ARHGAP24: variants seen among roughly 807,000 people sequenced by gnomAD.
ARHGAP24 encodes rho GTPase-activating protein 24.
Under a neutral mutation model 76.4 loss-of-function variants are expected in ARHGAP24, and 50 were observed. The observed-to-expected ratio is 0.65, with a 90% CI of 0.52 to 0.83. The LOEUF (loss-of-function observed/expected upper bound fraction) is 0.83, where lower values mean the gene tolerates loss of function less well. ARHGAP24 is among the 40% of genes least tolerant of loss of function. The probability of loss-of-function intolerance (pLI) is 0.00; values close to 1 mark genes in which losing one functional copy is unlikely to be tolerated. For missense variants in ARHGAP24, 930 were observed against 914.2 expected (o/e 1.02, Z -0.22); for synonymous variants, 345 against 323.3 (o/e 1.07, Z -0.72).
rs182832845 is a variant in ARHGAP24, at chr4:85,857,488, G to C, written c.269-66160G>C. On this transcript the variant is annotated intron_variant, in intron 3 of 9. Transcript: ENST00000395184. ...GGTTATCAATTCAAATTATCATCAA[G>C]ATCAATTATTATGTATTTTTTTGGT... Among the ~76,000 whole-genome samples the C allele has an allele frequency of 3.5e-4, 53 of 152,172 alleles. 1 individual carries two copies. In the East Asian group the frequency reaches 9.9e-3, roughly 28 times the overall value.
chr4:85,955,439 A>G (rs1429081318), intron 5 of ARHGAP24, among the ~76,000 whole-genome samples: 2 of 152,220 alleles, frequency 1.3e-5, no homozygotes, highest in Non-Finnish European at 2.9e-5. Context: ...GAAGCTGAAA[A>G]TCCAAATCAA....
chr4:85,689,396 A>AT (rs201819320), intron 2 of ARHGAP24, among the ~76,000 whole-genome samples: 1,605 of 151,634 alleles, frequency 0.011, 12 homozygotes, highest in South Asian at 0.044. Context: ...TAAATTTTTA[A>AT]TTTTTTTTGA....
chr4:85,476,891 T>A (rs1722620991), intron 1 of ARHGAP24, among the ~76,000 whole-genome samples: 1 of 152,230 alleles, frequency 6.6e-6, no homozygotes, highest in Non-Finnish European at 1.5e-5. Flanking sequence ...TTTCAACTTG[T>A]AAGAGAGCTC....
At chr4:85,611,425 A>T (rs948815137) in intron 2 of ARHGAP24, among the ~76,000 whole-genome samples, 1 of 152,190 alleles carries the variant, frequency 6.6e-6, no homozygotes, top group East Asian at 1.9e-4. Context: ...ATGTATCTCC[A>T]CTAGATCCCA....
chr4:85,800,376 A>C (rs1460752576), intron 3 of ARHGAP24, among the ~76,000 whole-genome samples: 1 of 152,130 alleles, frequency 6.6e-6, no homozygotes, highest in Non-Finnish European at 1.5e-5. Context: ...TGTACCAGAG[A>C]GTAGAATTGC....
chr4:85,751,676 A>G (rs772381913), intron 3 of ARHGAP24, among the ~76,000 whole-genome samples: 27 of 152,350 alleles, frequency 1.8e-4, no homozygotes, highest in South Asian at 4.1e-4. Flanking sequence ...CTACAAAAGC[A>G]TGGTTTCCTG....
chr4:85,670,224 A>G (rs1239717020), intron 2 of ARHGAP24, among the ~76,000 whole-genome samples: 2 of 152,190 alleles, frequency 1.3e-5, no homozygotes. Context: ...GGAGATTAGG[A>G]TGTGAGAAAA....
intron 3 of ARHGAP24, among the ~76,000 whole-genome samples, chr4:85,789,993 A>G (rs762071511): frequency 2.0e-5 from 3 of 152,130 alleles, no homozygotes. Context: ...TCTTCTCTCA[A>G]TAAAGCTGTG....
intron 2 of ARHGAP24, among the ~76,000 whole-genome samples, chr4:85,590,390 C>T (rs879034556): frequency 1.3e-5 from 2 of 150,858 alleles, no homozygotes; most frequent in South Asian, 2.1e-4. Flanking sequence ...GATGGAGTCT[C>T]GCTCTGTCGC....
chr4:85,781,971 A>C (rs899248231), intron 3 of ARHGAP24, among the ~76,000 whole-genome samples: 2 of 144,466 alleles, frequency 1.4e-5, no homozygotes, highest in African/African-American at 5.1e-5. Context: ...TGGTAGGCGG[A>C]GGTTTCAGTG....
chr4:85,685,618 G>T (rs146077570), intron 2 of ARHGAP24, among the ~76,000 whole-genome samples: 62 of 138,886 alleles, frequency 4.5e-4, no homozygotes, highest in African/African-American at 1.5e-3. Context: ...GGGCGACAGA[G>T]CGAGACTCTG....
rs562227312 is a variant in ARHGAP24, at chr4:85,816,107, A to G, written c.268+94135A>G. Among the ~76,000 whole-genome samples the G allele has an allele frequency of 2.0e-5, 3 of 152,314 alleles. No homozygotes were observed. The South Asian group carries it at 6.2e-4, about 32-fold the overall frequency. On this transcript the variant is annotated intron_variant, in intron 3 of 9. Transcript: ENST00000395184. ...GTCCCTCCCACAATACGTGGGAATT[A>G]TGGGAGTACAATTCAAGATGAGATT...
chr4:85,785,693 G>A (rs73833878), intron 3 of ARHGAP24, among the ~76,000 whole-genome samples: 1 of 152,088 alleles, frequency 6.6e-6, no homozygotes, highest in African/African-American at 2.4e-5. Context: ...TTGACACCAG[G>A]CTGCCTCATT....
intron 3 of ARHGAP24, among the ~76,000 whole-genome samples, chr4:85,850,567 C>T (rs1731164792): frequency 6.6e-6 from 1 of 152,152 alleles, no homozygotes; most frequent in Non-Finnish European, 1.5e-5. Flanking sequence ...ATCTTTCCTG[C>T]TTTCTCTTGT....
chr4:85,909,775 G>T (rs1286097383), intron 3 of ARHGAP24, among the ~76,000 whole-genome samples: 1 of 152,206 alleles, frequency 6.6e-6, no homozygotes, highest in Non-Finnish European at 1.5e-5. Context: ...AGGGTGTCTA[G>T]AAAATTGTAG....
At chr4:85,821,637 G>A (rs546613856) in intron 3 of ARHGAP24, among the ~76,000 whole-genome samples, 17 of 152,054 alleles carry the variant, frequency 1.1e-4, no homozygotes, top group African/African-American at 3.4e-4. Flanking sequence ...CTCCTGCCTC[G>A]TCCTCTTAAA....
At chr4:85,608,410 CATT>C (rs1242445300) in intron 2 of ARHGAP24, among the ~76,000 whole-genome samples, 1 of 152,054 alleles carries the variant, frequency 6.6e-6, no homozygotes, top group Non-Finnish European at 1.5e-5. Flanking sequence ...GGTCCACTGA[CATT>C]ATAAATATAG....
At chr4:85,612,281 G>T (rs1405265325) in intron 2 of ARHGAP24, among the ~76,000 whole-genome samples, 1 of 152,064 alleles carries the variant, frequency 6.6e-6, no homozygotes, top group African/African-American at 2.4e-5. Context: ...GCTGGGCGTG[G>T]TGGTGGGCGC....
chr4:85,681,827 C>A (rs1314410898), intron 2 of ARHGAP24, among the ~76,000 whole-genome samples: 1 of 152,142 alleles, frequency 6.6e-6, no homozygotes, highest in Non-Finnish European at 1.5e-5. Flanking sequence ...TAACCAAATG[C>A]TTTCTTGTGA....
Sources: gnomAD v4.1 joint callset for allele counts (sites outside exome capture counted in the v4.1 genomes callset) on GRCh38, gnomAD v4.1.1 for gene constraint, MANE v1.5 for transcripts, NCBI Gene and HGNC (gene_info 2026-07-23, HGNC 2026-07-21) for gene names.